Variants in CTXND1 observed in about 807,000 individuals in gnomAD.
The protein encoded by CTXND1 is cortexin domain-containing 1 protein.
intron 1 of CTXND1, among the ~76,000 whole-genome samples, chr15:80,217,430 A>G (rs183540602): frequency 6.6e-6 from 1 of 152,196 alleles, no homozygotes; most frequent in Admixed American, 6.5e-5. Flanking sequence ...ATTTTTTTGT[A>G]CTATTTTGTT....
intron 1 of CTXND1, among the ~76,000 whole-genome samples, chr15:80,219,131 G>A (rs1372502519): frequency 6.7e-6 from 1 of 149,568 alleles, no homozygotes; most frequent in Non-Finnish European, 1.5e-5. Context: ...TTTTGGTAGA[G>A]TGAGGGTCTC....
At chr15:80,207,340 T>A (rs1246367557) in intron 1 of CTXND1, among the ~76,000 whole-genome samples, 1 of 152,146 alleles carries the variant, frequency 6.6e-6, no homozygotes, top group Admixed American at 6.5e-5. Flanking sequence ...ATGAACTAAC[T>A]TCAAGTTCAT....
At chr15:80,205,707 T>G (rs929223004) in intron 1 of CTXND1, among the ~76,000 whole-genome samples, 1 of 152,180 alleles carries the variant, frequency 6.6e-6, no homozygotes, top group Non-Finnish European at 1.5e-5. Context: ...GTTCCTTACC[T>G]TCCTAGTCCA....
intron 1 of CTXND1, among the ~76,000 whole-genome samples, chr15:80,216,142 T>C (rs956140484): frequency 3.9e-5 from 6 of 152,230 alleles, no homozygotes; most frequent in Admixed American, 6.5e-5. Flanking sequence ...CATCTTTCAA[T>C]TGGAAAACTC....
chr15:80,241,696 C>T (rs1893569324), intron 1 of CTXND1, among the ~76,000 whole-genome samples: 1 of 152,202 alleles, frequency 6.6e-6, no homozygotes, highest in African/African-American at 2.4e-5. Context: ...GGAACGGGGC[C>T]TCATGACTGT....
At chr15:80,239,863 T>C (rs1893544910) in intron 1 of CTXND1, among the ~76,000 whole-genome samples, 1 of 152,182 alleles carries the variant, frequency 6.6e-6, no homozygotes, top group African/African-American at 2.4e-5. Flanking sequence ...TGTTTGACTG[T>C]TAAAAAAAAT....
At chr15:80,233,123 G>A (rs1227138943) in intron 1 of CTXND1, among the ~76,000 whole-genome samples, 2 of 151,958 alleles carry the variant, frequency 1.3e-5, no homozygotes, top group African/African-American at 4.8e-5. Flanking sequence ...TGTATTTTTA[G>A]TAGAGACGGG....
chr15:80,222,976 T>C (rs1335586659), intron 1 of CTXND1, among the ~76,000 whole-genome samples: 1 of 152,246 alleles, frequency 6.6e-6, no homozygotes, highest in Non-Finnish European at 1.5e-5. Flanking sequence ...TAGTTTTACC[T>C]GTCCTGAAAC....
intron 1 of CTXND1, among the ~76,000 whole-genome samples, chr15:80,210,883 G>A (rs980297691): frequency 5.3e-5 from 8 of 152,302 alleles, no homozygotes; most frequent in Middle Eastern, 3.4e-3. Flanking sequence ...TTCTCACTGT[G>A]TGCCCACAAG....
chr15:80,241,138 C>T (rs1218659605), intron 1 of CTXND1, among the ~76,000 whole-genome samples: 1 of 152,126 alleles, frequency 6.6e-6, no homozygotes, highest in Non-Finnish European at 1.5e-5. Context: ...AACTACCGGC[C>T]AACAAGAGCT....
chr15:80,229,556 C>T (rs1445603147), intron 1 of CTXND1, among the ~76,000 whole-genome samples: 2 of 152,164 alleles, frequency 1.3e-5, no homozygotes, highest in African/African-American at 4.8e-5. Flanking sequence ...CACGCCCTGG[C>T]CACCACAAGG....
At chr15:80,204,647 GTATATA>G (rs35359063) in intron 1 of CTXND1, among the ~76,000 whole-genome samples, 30,025 of 131,288 alleles carry the variant, frequency 0.23, 3,923 homozygotes, top group East Asian at 0.42. Context: ...ATATTCCATT[GTATATA>G]TATATATATA....
chr15:80,231,494 TGGG>T (rs1893430176), intron 1 of CTXND1, among the ~76,000 whole-genome samples: 1 of 152,282 alleles, frequency 6.6e-6, no homozygotes, highest in African/African-American at 2.4e-5. Context: ...CTCTAAACCA[TGGG>T]AGAAATTTAT....
intron 1 of CTXND1, among the ~76,000 whole-genome samples, chr15:80,241,001 A>G (rs1032371901): frequency 5.3e-5 from 8 of 152,208 alleles, no homozygotes; most frequent in Admixed American, 5.2e-4. Context: ...GAAAGTGTGG[A>G]AATGCTGCTG....
intron 1 of CTXND1, among the ~76,000 whole-genome samples, chr15:80,206,348 T>C (rs144213892): frequency 6.6e-6 from 1 of 152,340 alleles, no homozygotes; most frequent in East Asian, 1.9e-4. Context: ...GTAATTTTCA[T>C]TTATCTTCGT....
chr15:80,224,980 G>A (rs537124211), intron 1 of CTXND1, among the ~76,000 whole-genome samples: 16 of 152,374 alleles, frequency 1.1e-4, no homozygotes, highest in African/African-American at 3.8e-4. Context: ...CTTACCTCAG[G>A]TGATCTGCCT....
At chr15:80,238,008 C>CAAAAAAAAAA (rs57718635) in intron 1 of CTXND1, among the ~76,000 whole-genome samples, 4 of 77,078 alleles carry the variant, frequency 5.2e-5, no homozygotes, top group South Asian at 4.8e-4. Flanking sequence ...GACTCCATCT[C>CAAAAAAAAAA]AAAAAAAAAA....
At chr15:80,204,047 C>G (rs1346561697) in intron 1 of CTXND1, among the ~76,000 whole-genome samples, 2 of 147,738 alleles carry the variant, frequency 1.4e-5, no homozygotes, top group African/African-American at 5.0e-5. Context: ...CCTGTAATCC[C>G]AGCTACTCAG....
chr15:80,204,137 A>G (rs1893117776), intron 1 of CTXND1, among the ~76,000 whole-genome samples: 1 of 92,404 alleles, frequency 1.1e-5, no homozygotes, highest in Non-Finnish European at 2.0e-5. Context: ...ACAGAGCAAG[A>G]CTGTGTCTCA....
Sources: gnomAD v4.1 joint callset for allele counts (sites outside exome capture counted in the v4.1 genomes callset) on GRCh38, gnomAD v4.1.1 for gene constraint, MANE v1.5 for transcripts, NCBI Gene and HGNC (gene_info 2026-07-23, HGNC 2026-07-21) for gene names.